The following GALNTL6 variants were observed in gnomAD, a reference collection of about 807,000 sequenced individuals.
GALNTL6 encodes the protein polypeptide N-acetylgalactosaminyltransferase like 6.
In GALNTL6, 46 loss-of-function variants were observed where a neutral mutation model predicts 73.7. The ratio of observed to expected loss-of-function variants is 0.62; its 90% CI spans 0.49 to 0.80. The LOEUF is 0.80. Among genes scored for constraint, GALNTL6 ranks in the 30% least tolerant of loss-of-function variants. The probability of loss-of-function intolerance (pLI) is 0.00; values close to 1 mark genes in which losing one functional copy is unlikely to be tolerated. For missense variants in GALNTL6, 604 were observed against 755.0 expected (o/e 0.80, Z 2.34); for synonymous variants, 259 against 263.7 (o/e 0.98, Z 0.17).
At chr4:172,677,070 C>T (rs1360544111) in intron 5 of GALNTL6, among the ~76,000 whole-genome samples, 3 of 152,060 alleles carry the variant, frequency 2.0e-5, no homozygotes, top group Admixed American at 6.6e-5. Context: ...GTTAAACACC[C>T]GGTCTAGCTA....
chr4:172,993,217 T>C (rs1561074872), intron 10 of GALNTL6, among the ~76,000 whole-genome samples: 1 of 152,144 alleles, frequency 6.6e-6, no homozygotes, highest in Admixed American at 6.5e-5. Context: ...ACTGGTGTCC[T>C]GATAAGAAGA....
chr4:171,929,010 C>A (rs1176849892), intron 2 of GALNTL6, among the ~76,000 whole-genome samples: 1 of 152,172 alleles, frequency 6.6e-6, no homozygotes, highest in Admixed American at 6.5e-5. Flanking sequence ...TTCATAATCA[C>A]ATATTTTTAT....
intron 2 of GALNTL6, among the ~76,000 whole-genome samples, chr4:171,829,126 T>C (rs1230690441): frequency 6.6e-6 from 1 of 152,164 alleles, no homozygotes; most frequent in Admixed American, 6.6e-5. Flanking sequence ...AAGAGGTCAA[T>C]ATCCCTAGCC....
chr4:172,783,234 A>T (rs1297769760), intron 5 of GALNTL6, among the ~76,000 whole-genome samples: 1 of 150,910 alleles, frequency 6.6e-6, no homozygotes, highest in Non-Finnish European at 1.5e-5. Flanking sequence ...ACCTAAATAA[A>T]TAAAGTAGTA....
chr4:172,791,679 T>C (rs1303535833), intron 5 of GALNTL6, among the ~76,000 whole-genome samples: 1 of 152,130 alleles, frequency 6.6e-6, no homozygotes, highest in Non-Finnish European at 1.5e-5. Flanking sequence ...TATTTCCTAA[T>C]CTAAAAAATT....
intron 2 of GALNTL6, among the ~76,000 whole-genome samples, chr4:171,869,489 T>C (rs1466663517): frequency 6.6e-6 from 1 of 152,130 alleles, no homozygotes; most frequent in African/African-American, 2.4e-5. Context: ...AACCTTTTTG[T>C]TTTTCTCCCA....
intron 2 of GALNTL6, among the ~76,000 whole-genome samples, chr4:171,863,981 C>T (rs1458040964): frequency 6.6e-6 from 1 of 151,962 alleles, no homozygotes; most frequent in East Asian, 1.9e-4. Flanking sequence ...AGGCTGGTCT[C>T]GACCTCCTGC....
At chr4:172,264,632 T>G (rs1738388528) in intron 3 of GALNTL6, among the ~76,000 whole-genome samples, 1 of 143,320 alleles carries the variant, frequency 7.0e-6, no homozygotes, top group African/African-American at 2.5e-5. Flanking sequence ...TTGGCATATA[T>G]TATATGTGTA....
In GALNTL6 at chr4:172,648,619, G is replaced by C. The variant is rs186722835; in HGVS notation, c.554-160742G>C. Among the ~76,000 whole-genome samples the C allele has an allele frequency of 1.2e-4, 18 of 152,238 alleles. No individual in the cohort carries two copies. In the East Asian group the frequency reaches 3.5e-3, roughly 29 times the overall value. On this transcript the variant is annotated intron_variant, in intron 5 of 12. Coordinates refer to ENST00000506823, the MANE Select transcript of GALNTL6 (RefSeq NM_001034845.3). ...AAAAATCAGGACATACCCAAAGACTGAGTCTACATTCATTCAGTGAACAGT... is the reference window on the plus strand; with the variant it reads ...AAAAATCAGGACATACCCAAAGACTCAGTCTACATTCATTCAGTGAACAGT...
At chr4:172,090,420 G>A (rs1212759147) in intron 2 of GALNTL6, among the ~76,000 whole-genome samples, 3 of 152,086 alleles carry the variant, frequency 2.0e-5, no homozygotes, top group South Asian at 2.1e-4. Flanking sequence ...GTGTCTCATC[G>A]TGGTTTTGAT....
chr4:172,627,971 T>C (rs1211135724), intron 5 of GALNTL6, among the ~76,000 whole-genome samples: 1 of 152,100 alleles, frequency 6.6e-6, no homozygotes, highest in East Asian at 1.9e-4. Flanking sequence ...TTGGTGATTC[T>C]TTGTATGGAT....
chr4:172,917,659 C>T (rs1747593286), intron 8 of GALNTL6, among the ~76,000 whole-genome samples: 1 of 152,210 alleles, frequency 6.6e-6, no homozygotes, highest in Non-Finnish European at 1.5e-5. Context: ...TGCTTATCAT[C>T]ACTGGCCATC....
chr4:172,015,923 A>ATTTTTTTTTTTTTTTTTTTTTTTTTTT (rs70941375), intron 2 of GALNTL6, among the ~76,000 whole-genome samples: 4 of 44,050 alleles, frequency 9.1e-5, no homozygotes, highest in Non-Finnish European at 8.4e-5. Flanking sequence ...ATCTAATAGG[A>ATTTTTTTTTTTTTTTTTTTTTTTTTTT]TTTTTTTTTT....
intron 5 of GALNTL6, among the ~76,000 whole-genome samples, chr4:172,441,444 G>T (rs986608791): frequency 3.9e-5 from 6 of 152,046 alleles, no homozygotes; most frequent in South Asian, 2.1e-4. Context: ...ACAGAATTAA[G>T]CATGCACAGA....
intron 5 of GALNTL6, among the ~76,000 whole-genome samples, chr4:172,518,285 C>CA (rs1295435221): frequency 2.0e-5 from 3 of 151,820 alleles, no homozygotes; most frequent in Non-Finnish European, 4.4e-5. Flanking sequence ...ATTAGCAAGC[C>CA]AAAATCAAGA....
chr4:172,015,655 G>A (rs72698931), intron 2 of GALNTL6, among the ~76,000 whole-genome samples: 3,977 of 152,024 alleles, frequency 0.026, 79 homozygotes, highest in East Asian at 0.081. Flanking sequence ...TATTCTTTAA[G>A]GAGATCCTAT....
intron 2 of GALNTL6, among the ~76,000 whole-genome samples, chr4:171,958,017 G>A (rs887513254): frequency 6.6e-6 from 1 of 152,122 alleles, no homozygotes; most frequent in African/African-American, 2.4e-5. Context: ...GATCAGAAAA[G>A]CACCTTTGTG....
intron 5 of GALNTL6, among the ~76,000 whole-genome samples, chr4:172,514,528 G>A (rs116046862): frequency 9.2e-5 from 14 of 152,276 alleles, no homozygotes; most frequent in African/African-American, 3.1e-4. Context: ...ATCAAGCAGG[G>A]CTTTCAGCTT....
At chr4:172,467,775 A>G (rs1732876100) in intron 5 of GALNTL6, among the ~76,000 whole-genome samples, 1 of 151,430 alleles carries the variant, frequency 6.6e-6, no homozygotes, top group Non-Finnish European at 1.5e-5. Context: ...TTACTTTCTG[A>G]ACATTTGTTG....
Sources: allele counts gnomAD v4.1 joint callset (sites outside exome capture counted in the v4.1 genomes callset), GRCh38; gene constraint gnomAD v4.1.1; transcripts MANE v1.5; gene names NCBI Gene and HGNC (gene_info 2026-07-23, HGNC 2026-07-21).